Variants in CDH12 observed in about 807,000 individuals in gnomAD.
The protein encoded by CDH12 is cadherin 12, also known as cadherin-12.
Under a neutral mutation model 74.1 loss-of-function variants are expected in CDH12, and 41 were observed. The ratio of observed to expected loss-of-function variants is 0.55; its 90% CI spans 0.43 to 0.72. The LOEUF is 0.72. CDH12 is among the 30% of genes least tolerant of loss of function. The pLI is 0.00. For synonymous variants in CDH12, 399 were observed against 355.0 expected, an observed-to-expected ratio of 1.12 and a Z score of -1.39; for missense variants, 945 against 977.2, an observed-to-expected ratio of 0.97 and a Z score of 0.44.
chr5:22,673,016 T>C (rs1016109839), intron 1 of CDH12, among the ~76,000 whole-genome samples: 1 of 152,170 alleles, frequency 6.6e-6, no homozygotes, highest in African/African-American at 2.4e-5. Context: ...GGGGCATTTT[T>C]CTTTTCATTT....
intron 1 of CDH12, among the ~76,000 whole-genome samples, chr5:22,793,079 A>G (rs562228983): frequency 6.6e-6 from 1 of 152,294 alleles, no homozygotes; most frequent in African/African-American, 2.4e-5. Context: ...TCTAGTTACT[A>G]TATTTCCGTT....
At chr5:22,325,723 A>G (rs752160367) in intron 3 of CDH12, among the ~76,000 whole-genome samples, 25 of 152,124 alleles carry the variant, frequency 1.6e-4, no homozygotes, top group Non-Finnish European at 4.4e-5. Flanking sequence ...CGTCTCTACT[A>G]AAAATACAAA....
chr5:22,494,058 G>T (rs1747000836), intron 2 of CDH12, among the ~76,000 whole-genome samples: 1 of 152,198 alleles, frequency 6.6e-6, no homozygotes. Context: ...TGGGAGGGCT[G>T]TGGTTGAGAA....
chr5:21,796,310 T>G (rs2149914492), intron 10 of CDH12, among the ~76,000 whole-genome samples: 1 of 152,142 alleles, frequency 6.6e-6, no homozygotes, highest in Admixed American at 6.6e-5. Context: ...TTGGACAAAA[T>G]CATCTAGCGC....
At chr5:21,975,781 C>A (rs1479708226) in intron 5 of CDH12, among the ~76,000 whole-genome samples, 4 of 151,958 alleles carry the variant, frequency 2.6e-5, no homozygotes, top group African/African-American at 9.7e-5. Flanking sequence ...GGCAAAAAAA[C>A]CAACAAATTT....
rs139877038 is a variant in CDH12, at chr5:22,061,771, A to G, written c.231+16675T>C. 3.2e-3 allele frequency among the ~76,000 whole-genome samples: 493 copies of G among 152,304 alleles called. 1 individual carries two copies. The highest frequency in any genetic ancestry group is 0.011 in the African/African-American group (458 of 41,586). ...AGACACACATACACTTATTAATTGTACTGTGTGGTTGGTGAAAAATGCACT... is the reference window on the plus strand; with the variant it reads ...AGACACACATACACTTATTAATTGTGCTGTGTGGTTGGTGAAAAATGCACT... On this transcript the variant is annotated intron_variant, in intron 5 of 14. Coordinates refer to ENST00000382254, the MANE Select transcript of CDH12 (RefSeq NM_004061.5).
chr5:22,722,363 T>A (rs1743943246), intron 1 of CDH12, among the ~76,000 whole-genome samples: 1 of 152,222 alleles, frequency 6.6e-6, no homozygotes, highest in Non-Finnish European at 1.5e-5. Flanking sequence ...CAGAGTTATA[T>A]CACAAAGCCA....
chr5:22,784,485 C>T (rs1747530712), intron 1 of CDH12, among the ~76,000 whole-genome samples: 1 of 152,178 alleles, frequency 6.6e-6, no homozygotes, highest in East Asian at 1.9e-4. Flanking sequence ...TTCCTTCTTC[C>T]TCACCCACCC....
chr5:22,014,577 G>A (rs1737491243), intron 5 of CDH12, among the ~76,000 whole-genome samples: 2 of 151,928 alleles, frequency 1.3e-5, no homozygotes. Context: ...GTTCATTTAG[G>A]GTAGGGCAGA....
At chr5:22,804,220 T>C (rs191000293) in intron 1 of CDH12, among the ~76,000 whole-genome samples, 1 of 152,236 alleles carries the variant, frequency 6.6e-6, no homozygotes, top group East Asian at 1.9e-4. Context: ...GACAAGGAAA[T>C]ATAATATGAT....
intron 1 of CDH12, among the ~76,000 whole-genome samples, chr5:22,820,845 A>C (rs980224041): frequency 1.3e-5 from 2 of 152,158 alleles, no homozygotes; most frequent in Non-Finnish European, 2.9e-5. Context: ...AACTATTCCA[A>C]TCAATAGAAA....
At chr5:22,298,139 T>C (rs1419216586) in intron 3 of CDH12, among the ~76,000 whole-genome samples, 1 of 149,816 alleles carries the variant, frequency 6.7e-6, no homozygotes, top group Non-Finnish European at 1.5e-5. Context: ...TACAATTTAA[T>C]ATATATATTA....
At chr5:22,260,567 A>T (rs1293807685) in intron 3 of CDH12, among the ~76,000 whole-genome samples, 4 of 152,012 alleles carry the variant, frequency 2.6e-5, no homozygotes, top group African/African-American at 9.6e-5. Context: ...AAAAAGCAAG[A>T]TACCTAAATT....
At chr5:22,504,534 A>T (rs1736302636) in intron 2 of CDH12, among the ~76,000 whole-genome samples, 1 of 152,048 alleles carries the variant, frequency 6.6e-6, no homozygotes, top group Non-Finnish European at 1.5e-5. Flanking sequence ...GTTAATCTTA[A>T]CTGATCTCTG....
At chr5:22,706,645 C>A (rs1015218673) in intron 1 of CDH12, among the ~76,000 whole-genome samples, 1 of 151,912 alleles carries the variant, frequency 6.6e-6, no homozygotes, top group African/African-American at 2.4e-5. Flanking sequence ...GTTTAGTTAG[C>A]TCTTAATCCA....
At chr5:22,665,441 GA>G (rs1243160980) in intron 1 of CDH12, among the ~76,000 whole-genome samples, 1 of 152,120 alleles carries the variant, frequency 6.6e-6, no homozygotes, top group Non-Finnish European at 1.5e-5. Flanking sequence ...ATCACAGAAG[GA>G]AAACAAAGTA....
At chr5:22,749,299 C>CA in intron 1 of CDH12, among the ~76,000 whole-genome samples, 1 of 152,308 alleles carries the variant, frequency 6.6e-6, no homozygotes, top group East Asian at 1.9e-4. Flanking sequence ...CTGAAAGGGA[C>CA]ATATGGTCCC....
At chr5:22,159,389 A>C (rs1221381405) in intron 4 of CDH12, among the ~76,000 whole-genome samples, 6 of 152,182 alleles carry the variant, frequency 3.9e-5, no homozygotes, top group Non-Finnish European at 2.9e-5. Flanking sequence ...TTTCATTAGA[A>C]AATGGTGCAT....
At chr5:22,694,224 A>G (rs926735567) in intron 1 of CDH12, among the ~76,000 whole-genome samples, 2 of 152,220 alleles carry the variant, frequency 1.3e-5, no homozygotes, top group African/African-American at 4.8e-5. Context: ...CAAACTTAAA[A>G]TTACTGGATA....
Sources: allele counts gnomAD v4.1 joint callset (sites outside exome capture counted in the v4.1 genomes callset), GRCh38; gene constraint gnomAD v4.1.1; transcripts MANE v1.5; gene names NCBI Gene and HGNC (gene_info 2026-07-23, HGNC 2026-07-21).